The following MCTP1 variants were observed in gnomAD, a reference collection of about 807,000 sequenced individuals.
The protein encoded by MCTP1 is multiple C2 and transmembrane domain-containing protein 1.
In MCTP1, 69 loss-of-function variants were observed where a neutral mutation model predicts 120.6. The ratio of observed to expected loss-of-function variants is 0.57; its 90% CI spans 0.47 to 0.70. The LOEUF is 0.70. MCTP1 is among the 30% of genes least tolerant of loss of function. The pLI is 0.00. For missense variants in MCTP1, 1,203 were observed against 1,248.8 expected, an observed-to-expected ratio of 0.96 and a Z score of 0.55; for synonymous variants, 529 against 493.1, an observed-to-expected ratio of 1.07 and a Z score of -0.96.
chr5:94,939,668 C>G (rs1004365358), intron 5 of MCTP1, among the ~76,000 whole-genome samples: 26 of 151,926 alleles, frequency 1.7e-4, no homozygotes, highest in Non-Finnish European at 1.3e-4. Flanking sequence ...AGCAGAAACT[C>G]TGTTATAATT....
intron 19 of MCTP1, among the ~76,000 whole-genome samples, chr5:94,768,954 T>G (rs1276302537): frequency 6.6e-6 from 1 of 152,150 alleles, no homozygotes; most frequent in African/African-American, 2.4e-5. Context: ...TGCAGCACTA[T>G]TCACAATAGA....
intron 1 of MCTP1, among the ~76,000 whole-genome samples, chr5:95,248,125 C>A (rs896393758): frequency 6.6e-6 from 1 of 152,156 alleles, no homozygotes; most frequent in Non-Finnish European, 1.5e-5. Context: ...GACAAGGATG[C>A]CCTTTCTCAC....
chr5:95,186,780 T>C (rs1749253778), intron 1 of MCTP1, among the ~76,000 whole-genome samples: 1 of 152,136 alleles, frequency 6.6e-6, no homozygotes, highest in South Asian at 2.1e-4. Flanking sequence ...ATCAAGACAG[T>C]ATGGTAGTGT....
rs550816766 is a variant in MCTP1, at chr5:95,089,908, A to G, written c.721-72424T>C. On this transcript the variant is annotated intron_variant, in intron 1 of 22. Transcript: ENST00000515393. Reference sequence around the variant, plus strand: ...CACAATTTGTATAGTCTGGTTATCAAAATGTAGCTTAGTGCCCTAGTGATG... The same window carrying G: ...CACAATTTGTATAGTCTGGTTATCAGAATGTAGCTTAGTGCCCTAGTGATG... Among the ~76,000 whole-genome samples, 7 of 152,302 alleles carry G rather than the reference A, an allele frequency of 4.6e-5. No individual in the cohort carries two copies. In the South Asian group the frequency reaches 1.0e-3, roughly 23 times the overall value.
intron 10 of MCTP1, among the ~76,000 whole-genome samples, chr5:94,896,323 T>TC (rs1803978423): frequency 6.6e-6 from 1 of 152,088 alleles, no homozygotes; most frequent in South Asian, 2.1e-4. Flanking sequence ...GGATAGGGAG[T>TC]ATAATACTAG....
Position 95,171,027 on chromosome 5 carries a change from A to G in MCTP1, c.720+112829T>C, listed in dbSNP as rs532783795. Among the ~76,000 whole-genome samples, 6 of 151,914 alleles carry G rather than the reference A, an allele frequency of 3.9e-5. No individual in the cohort carries two copies. In the East Asian group the frequency reaches 1.2e-3, roughly 29 times the overall value. ...GTCTCGATGGTCTTTACAATTTGGCATGTTTTTGCAGTGGCTGGTACCAGT... is the reference window on the plus strand; with the variant it reads ...GTCTCGATGGTCTTTACAATTTGGCGTGTTTTTGCAGTGGCTGGTACCAGT... On this transcript the variant is annotated intron_variant, in intron 1 of 22. Transcript: ENST00000515393.
At chr5:95,079,508 T>C (rs1012417832) in intron 1 of MCTP1, among the ~76,000 whole-genome samples, 3 of 152,180 alleles carry the variant, frequency 2.0e-5, no homozygotes, top group African/African-American at 7.2e-5. Context: ...TTTTAAAAGA[T>C]ATATGCCTAT....
At chr5:95,209,764 G>A (rs1241755579) in intron 1 of MCTP1, among the ~76,000 whole-genome samples, 12 of 152,032 alleles carry the variant, frequency 7.9e-5, no homozygotes, top group Non-Finnish European at 1.6e-4. Flanking sequence ...ACATTAAGAA[G>A]CTCTTTTGAT....
chr5:94,826,489 C>G, intron 17 of MCTP1: 2 of 699,252 alleles, frequency 2.9e-6, no homozygotes. Flanking sequence ...CCTCGCCATT[C>G]AAATTTCAGT....
In MCTP1 at chr5:94,710,884, C is replaced by T. The variant is rs763931297; in HGVS notation, c.2764G>A (p.Val922Ile). The T allele has an allele frequency of 6.2e-7, 1 of 1,612,878 alleles. No individual in the cohort carries two copies. The highest frequency in any genetic ancestry group is 8.5e-7 in the Non-Finnish European group (1 of 1,179,374). Residue 922 changes from valine (V) to isoleucine (I), a missense_variant, in exon 21 of 23, where the codon GTA becomes ATA. Physicochemically the swap from Val to Ile is conservative, Grantham distance 29 (BLOSUM62 3). This residue lies in a region of MCTP1 where 740 missense variants were observed against 871.1 expected (regional missense o/e 0.85). Coordinates refer to ENST00000515393, the MANE Select transcript of MCTP1 (RefSeq NM_024717.7). ...TVPFLSWLAIVALCVFTAILY... is the reference protein window; with the variant it reads ...TVPFLSWLAIIALCVFTAILY... Reference sequence around the variant, plus strand: ...ATGGCTGTGAACACACAGAGGGCTACAATGGCCAGCCAGCTTAAGAATGGG... The same window carrying T: ...ATGGCTGTGAACACACAGAGGGCTATAATGGCCAGCCAGCTTAAGAATGGG...
intron 1 of MCTP1, among the ~76,000 whole-genome samples, chr5:95,107,470 T>C (rs1757158452): frequency 6.6e-6 from 1 of 152,256 alleles, no homozygotes; most frequent in Non-Finnish European, 1.5e-5. Flanking sequence ...ATAAAAGTTT[T>C]TTAAAGCAGA....
rs1238318183 is a variant in MCTP1 at position 95,284,532 on chromosome 5, G to T, written c.44C>A (p.Ala15Glu). The T allele has an allele frequency of 1.3e-6, 2 of 1,490,366 alleles. No homozygotes were observed. The highest frequency in any genetic ancestry group is 4.4e-5 in the Admixed American group (2 of 45,638). 92.3% of individuals were successfully genotyped at this position (1,490,366 alleles called of 1,614,324 possible). A position where few individuals can be genotyped will look rare whatever the true frequency, so the allele number is the denominator to read the frequency against. ...CCGGGCCTGGAAGGAGGAGGACGCC[G>T]CCGGCGGCTCTGGCTCGCCCGCCGC... ...AAAAGEPEPP[A>E]ASSSFQARLW... Residue 15 changes from alanine to glutamate, a missense_variant, in exon 1 of 23, where the codon GCG (alanine) becomes GAG (glutamate). This residue lies in a region of MCTP1 where 463 missense variants were observed against 377.8 expected (regional missense o/e 1.23). Coordinates refer to ENST00000515393, the MANE Select transcript of MCTP1 (RefSeq NM_024717.7). The surrounding 1 kb of genome is among the most constrained non-coding windows in gnomAD (Gnocchi z 5.2).
At chr5:94,845,176 C>T (rs1381238614) in intron 17 of MCTP1, among the ~76,000 whole-genome samples, 1 of 151,986 alleles carries the variant, frequency 6.6e-6, no homozygotes, top group East Asian at 1.9e-4. Flanking sequence ...GAAGATATAC[C>T]CAAGACTGGG....
intron 3 of MCTP1, among the ~76,000 whole-genome samples, chr5:94,948,213 C>G (rs764313752): frequency 2.7e-4 from 41 of 152,124 alleles, no homozygotes; most frequent in Non-Finnish European, 7.4e-5. Flanking sequence ...TAAACTAACC[C>G]TTAATCTCTG....
At chr5:95,185,644 T>C (rs1299044239) in intron 1 of MCTP1, among the ~76,000 whole-genome samples, 2 of 151,440 alleles carry the variant, frequency 1.3e-5, no homozygotes, top group Admixed American at 6.6e-5. Flanking sequence ...TAGCCAGGCA[T>C]GGCAGCGCAT....
intron 1 of MCTP1, among the ~76,000 whole-genome samples, chr5:95,168,199 T>G (rs1282383948): frequency 2.0e-5 from 3 of 152,232 alleles, no homozygotes; most frequent in Admixed American, 6.5e-5. Flanking sequence ...AAAGATCAGA[T>G]AGTTGTAGAC....
At chr5:95,003,056 T>G (rs1454297575) in intron 2 of MCTP1, among the ~76,000 whole-genome samples, 1 of 152,176 alleles carries the variant, frequency 6.6e-6, no homozygotes, top group Non-Finnish European at 1.5e-5. Context: ...ACATTTCCCC[T>G]GCTGGCATTC....
chr5:94,997,293 T>A (rs1336916247), intron 2 of MCTP1, among the ~76,000 whole-genome samples: 1 of 152,176 alleles, frequency 6.6e-6, no homozygotes, highest in African/African-American at 2.4e-5. Context: ...GAATTCTTTA[T>A]CTTACTGACA....
chr5:95,284,382 C>A lies in MCTP1; in HGVS notation c.194G>T (p.Gly65Val). Residue 65 changes from glycine (G) to valine (V), a missense_variant, in exon 1 of 23, where the codon GGG (glycine) becomes GTG (valine). Gly to Val is a moderately radical substitution (Grantham distance 109). This residue lies in a region of MCTP1 where 463 missense variants were observed against 377.8 expected (regional missense o/e 1.23). Coordinates refer to ENST00000515393, the MANE Select transcript of MCTP1 (RefSeq NM_024717.7). The surrounding 1 kb of genome is among the most constrained non-coding windows in gnomAD (Gnocchi z 5.2). ...SPSPPPPVGT[G>V]NAPARGSGAG... ...ACCACTCCCCCTGGCCGGTGCATTC[C>A]CTGTGCCCACCGGGGGTGGCGGGGA... is the stretch of plus-strand genomic sequence containing the variant. 6.3e-7 allele frequency: 1 copy of A among 1,594,292 alleles called. No individual in the cohort carries two copies. Among genetic ancestry groups the A allele is most frequent in the Non-Finnish European group, 8.5e-7 (1 of 1,178,464 alleles).
Sources: allele counts gnomAD v4.1 joint callset (sites outside exome capture counted in the v4.1 genomes callset), GRCh38; gene constraint gnomAD v4.1.1; regional missense constraint gnomAD v4.1.1; non-coding constraint Gnocchi (gnomAD v3.1); transcripts MANE v1.5; gene names NCBI Gene and HGNC (gene_info 2026-07-23, HGNC 2026-07-21).